Variants in CLIP1 observed in about 807,000 individuals in gnomAD.
CLIP1 encodes the protein CAP-Gly domain-containing linker protein 1.
Under a neutral mutation model 161.6 loss-of-function variants are expected in CLIP1, and 66 were observed. The observed-to-expected ratio is 0.41, with a 90% confidence interval of 0.33 to 0.50. The LOEUF (loss-of-function observed/expected upper bound fraction) is 0.50. Ranked by LOEUF, CLIP1 falls within the 20% of genes least tolerant of loss-of-function variation. The probability of loss-of-function intolerance (pLI) is 0.27; values close to 1 mark genes in which losing one functional copy is unlikely to be tolerated. For synonymous variants in CLIP1, 598 were observed against 626.2 expected (o/e 0.96, Z 0.67); for missense variants, 1,376 against 1,702.0 (o/e 0.81, Z 3.37).
At chr12:122,288,643 C>T in intron 20 of CLIP1, 102 bp from the exon 21 acceptor site, 1 of 928,948 alleles carries the variant, frequency 1.1e-6, no homozygotes, top group East Asian at 2.5e-5. Flanking sequence ...CAGCTAAAGC[C>T]ATTGGCTTTC....
At chr12:122,347,827 C>G (rs962081045) in intron 9 of CLIP1, among the ~76,000 whole-genome samples, 1 of 152,184 alleles carries the variant, frequency 6.6e-6, no homozygotes, top group African/African-American at 2.4e-5. Context: ...ATCCCTCCCT[C>G]TAAACTATCA....
chr12:122,421,236 T>C (rs1169959338), intron 1 of CLIP1, among the ~76,000 whole-genome samples: 1 of 151,604 alleles, frequency 6.6e-6, no homozygotes, highest in East Asian at 2.0e-4. Flanking sequence ...ACAAGATGCC[T>C]TCAATAAATG....
In CLIP1 at chr12:122,355,190, C is replaced by A. The variant is rs150582824; in HGVS notation, c.1128G>T (p.Ala376=). The change falls in exon 6 of 26, where the codon GCG becomes GCT. Residue 376 remains alanine (A), a synonymous_variant. Transcript: ENST00000620786. This position sits in a 1 kb window ranked among gnomAD's most constrained non-coding sequence, Gnocchi z 4.1. ...QLLAERDLER[A]EVAKATSHVG... ...CGTGGCTCGTGGCCTTGGCCACCTC[C>A]GCCCTCTCCAGATCCCGTTCCGCCA... 8 of 1,614,122 alleles carry A rather than the reference C, an allele frequency of 5.0e-6. No homozygotes were observed. The highest frequency in any genetic ancestry group is 6.8e-6 in the Non-Finnish European group (8 of 1,180,050).
chr12:122,340,975 C>G lies in CLIP1; in HGVS notation c.2229G>C (p.Lys743Asn), dbSNP rs757189888. 17 of 1,614,072 alleles carry G rather than the reference C, an allele frequency of 1.1e-5. No homozygotes were observed. The highest frequency in any genetic ancestry group is 1.2e-5 in the Non-Finnish European group (14 of 1,180,048). Reference sequence around the variant, plus strand: ...ATTTGGCTTGCAGTACCTCTAGCTCCTTTACCTTTATTTCAGCTTCCTGTA... The same window carrying G: ...ATTTGGCTTGCAGTACCTCTAGCTCGTTTACCTTTATTTCAGCTTCCTGTA... ...NKLQEAEIKVKELEVLQAKCN... is the reference protein window; with the variant it reads ...NKLQEAEIKVNELEVLQAKCN... The change falls in exon 11 of 26, where the codon AAG becomes AAC. Residue 743 changes from lysine to asparagine, a missense_variant. Lys to Asn is a moderately conservative substitution (Grantham distance 94). This residue lies in a region of CLIP1 where 948 missense variants were observed against 1,134.8 expected (regional missense o/e 0.84). Transcript: ENST00000620786.
intron 3 of CLIP1, among the ~76,000 whole-genome samples, chr12:122,374,656 G>C (rs1170384119): frequency 1.3e-5 from 2 of 152,084 alleles, no homozygotes; most frequent in Non-Finnish European, 2.9e-5. Context: ...CAGCTACTCA[G>C]GAGGCTGAGG....
chr12:122,318,844 G>A (rs1229682541), intron 18 of CLIP1, among the ~76,000 whole-genome samples: 1 of 152,130 alleles, frequency 6.6e-6, no homozygotes, highest in Non-Finnish European at 1.5e-5. Context: ...ACTGAATTGG[G>A]CCAAGAAAAG....
In CLIP1 at chr12:122,377,886, A is replaced by G; in HGVS notation, c.160T>C (p.Phe54Leu). ...STPSSETQEE[F>L]VDDFRVGERV... The stretch of plus-strand genomic sequence containing the variant: ...TCCCCAACTCGAAAGTCATCCACAA[A>G]TTCCTCCTGAGTCTCAGATGATGGA... The change falls in exon 3 of 26, where the codon TTT becomes CTT. Residue 54 changes from phenylalanine to leucine, a missense_variant. By Grantham distance (22) the Phe-to-Leu change is conservative. Around this residue, in one of 6 missense-constraint regions of CLIP1, gnomAD observed 66 missense variants for 67.8 expected, o/e 0.97. Coordinates refer to ENST00000620786, the MANE Select transcript of CLIP1 (RefSeq NM_001247997.2). 1 of 1,613,880 alleles carries G rather than the reference A, an allele frequency of 6.2e-7. No homozygotes were observed. Among genetic ancestry groups the G allele is most frequent in the Non-Finnish European group, 8.5e-7 (1 of 1,179,988 alleles).
intron 1 of CLIP1, among the ~76,000 whole-genome samples, chr12:122,387,585 TATATA>T (rs1370135484): frequency 1.3e-3 from 6 of 4,552 alleles, no homozygotes; most frequent in Non-Finnish European, 3.5e-3. Flanking sequence ...TATATATATA[TATATA>T]TTTTTTTTTT....
Position 122,377,939 on chromosome 12 carries a change from G to A in CLIP1, c.107C>T (p.Thr36Ile), listed in dbSNP as rs770296462. The A allele has an allele frequency of 1.2e-6, 2 of 1,609,060 alleles. No homozygotes were observed. The highest frequency in any genetic ancestry group is 1.7e-6 in the Non-Finnish European group (2 of 1,178,564). Residue 36 changes from threonine (T) to isoleucine (I), a missense_variant, in exon 3 of 26, where the codon ACC (threonine) becomes ATC (isoleucine). This residue lies in a region of CLIP1 where 66 missense variants were observed against 67.8 expected (regional missense o/e 0.97). Transcript: ENST00000620786. ...PTAVVAPVEKTISSEKASSTP... is the reference protein window; with the variant it reads ...PTAVVAPVEKIISSEKASSTP... ...GCTTGATGCTTTTTCACTGGATATG[G>A]TTTTTTCTACTGGAGCTACAACTGA... is the stretch of plus-strand genomic sequence containing the variant.
chr12:122,314,084 C>T (rs907011395), intron 19 of CLIP1, among the ~76,000 whole-genome samples: 2 of 151,784 alleles, frequency 1.3e-5, no homozygotes, highest in East Asian at 1.9e-4. Context: ...CAAGGTCAGG[C>T]GTTCGAGTAC....
At chr12:122,303,314 T>C (rs1950757718) in intron 20 of CLIP1, among the ~76,000 whole-genome samples, 1 of 152,184 alleles carries the variant, frequency 6.6e-6, no homozygotes, top group Non-Finnish European at 1.5e-5. Flanking sequence ...CTTTCTCTTT[T>C]CCCTCTTAGG....
chr12:122,313,195 C>T (rs1261554686), intron 19 of CLIP1, among the ~76,000 whole-genome samples: 1 of 152,194 alleles, frequency 6.6e-6, no homozygotes, highest in Non-Finnish European at 1.5e-5. Context: ...AGATGTGATT[C>T]CCTCAGGTCT....
At chr12:122,335,007 AGGGT>A (rs1290684935) in intron 12 of CLIP1, among the ~76,000 whole-genome samples, 2 of 152,210 alleles carry the variant, frequency 1.3e-5, no homozygotes, top group African/African-American at 4.8e-5. Context: ...GTGTATACAT[AGGGT>A]GCACGTGCAT....
intron 21 of CLIP1, chr12:122,280,634 G>A (rs561290387): frequency 6.6e-6 from 1 of 152,290 alleles, no homozygotes; most frequent in South Asian, 2.1e-4. Context: ...GGGCTGTGTA[G>A]GATGTTCAAT....
At chr12:122,286,553 G>C (rs1390953921) in intron 21 of CLIP1, among the ~76,000 whole-genome samples, 1 of 63,148 alleles carries the variant, frequency 1.6e-5, no homozygotes, top group African/African-American at 5.2e-5. Flanking sequence ...AAAAAAAAAA[G>C]TAGACAAAGA....
chr12:122,297,892 C>T lies in CLIP1; in HGVS notation c.3595-9351G>A, dbSNP rs75559686. Among the ~76,000 whole-genome samples the T allele has an allele frequency of 7.7e-4, 117 of 152,322 alleles. 2 individuals carry two copies. In the East Asian group the frequency reaches 0.021, roughly 28 times the overall value. The stretch of plus-strand genomic sequence containing the variant: ...GCCCCATCAGGGATCACCACAACTA[C>T]GGAGCCACTTCCGGCAGGGTCATGT... On this transcript the variant is annotated intron_variant, in intron 20 of 25. Coordinates refer to ENST00000620786, the MANE Select transcript of CLIP1 (RefSeq NM_001247997.2).
At chr12:122,333,616 G>T (rs1952085821) in intron 14 of CLIP1, among the ~76,000 whole-genome samples, 1 of 152,198 alleles carries the variant, frequency 6.6e-6, no homozygotes. Context: ...TGAGTGGGAT[G>T]GGAGTCACTG....
At chr12:122,286,842 C>G (rs1013642753) in intron 21 of CLIP1, among the ~76,000 whole-genome samples, 2 of 151,960 alleles carry the variant, frequency 1.3e-5, no homozygotes, top group Admixed American at 1.3e-4. Context: ...ACTAAAAATA[C>G]AAAAATTTAG....
chr12:122,319,483 C>T (rs1951399050), intron 17 of CLIP1, 135 bp from the exon 18 acceptor site: 2 of 663,542 alleles, frequency 3.0e-6, no homozygotes, highest in African/African-American at 1.8e-5. Context: ...GTGAATCAGT[C>T]ACAATCCAGT....
Sources: allele counts gnomAD v4.1 joint callset (sites outside exome capture counted in the v4.1 genomes callset), GRCh38; gene constraint gnomAD v4.1.1; regional missense constraint gnomAD v4.1.1; non-coding constraint Gnocchi (gnomAD v3.1); transcripts MANE v1.5; gene names NCBI Gene and HGNC (gene_info 2026-07-23, HGNC 2026-07-21).